SHTN1: variants seen among roughly 807,000 people sequenced by gnomAD.
SHTN1 encodes shootin 1.
Under a neutral mutation model 83.1 loss-of-function variants are expected in SHTN1, and 42 were observed. The ratio of observed to expected loss-of-function variants is 0.51; its 90% confidence interval spans 0.39 to 0.65. The LOEUF is 0.65. Ranked by LOEUF, SHTN1 falls within the 30% of genes least tolerant of loss-of-function variation. The probability of loss-of-function intolerance (pLI) is 0.00; values close to 1 mark genes in which losing one functional copy is unlikely to be tolerated. For missense variants in SHTN1, 622 were observed against 737.8 expected (o/e 0.84, Z 1.82); for synonymous variants, 224 against 247.7 (o/e 0.90, Z 0.90).
intron 1 of SHTN1, among the ~76,000 whole-genome samples, chr10:116,981,860 C>G (rs1214437119): frequency 1.3e-5 from 2 of 152,074 alleles, no homozygotes; most frequent in Non-Finnish European, 2.9e-5. Context: ...AGTTTGAGAC[C>G]AGCCTGACCA....
At chr10:116,936,743 T>G (rs1258801756) in intron 9 of SHTN1, among the ~76,000 whole-genome samples, 1 of 152,132 alleles carries the variant, frequency 6.6e-6, no homozygotes, top group Non-Finnish European at 1.5e-5. Context: ...GTCTCGTTGA[T>G]CTAATATTGA....
At chr10:116,900,981 G>C in intron 16 of SHTN1, 2 of 985,388 alleles carry the variant, frequency 2.0e-6, no homozygotes, top group South Asian at 4.7e-5. Context: ...AGCTAAGACA[G>C]CTAGAGTTAC....
intron 2 of SHTN1, among the ~76,000 whole-genome samples, chr10:117,019,742 G>A (rs1852232669): frequency 1.3e-5 from 2 of 151,332 alleles, no homozygotes; most frequent in East Asian, 2.0e-4. Flanking sequence ...TGAGGTGGGA[G>A]GACCACTTGA....
intron 2 of SHTN1, among the ~76,000 whole-genome samples, chr10:116,977,518 T>G (rs1054746637): frequency 1.3e-5 from 2 of 152,162 alleles, no homozygotes; most frequent in African/African-American, 4.8e-5. Context: ...TAGGTTTACT[T>G]TGGAATTTTG....
chr10:116,886,181 CTTATG>C lies in SHTN1; in HGVS notation c.*158_*162del, dbSNP rs1288912254. Reference sequence around the variant, plus strand: ...AATGTGTGTTTTGCTAAACAGCTTACTTATGTTTATAGTTGCTACTTACAAAAGTG... The same window carrying C: ...AATGTGTGTTTTGCTAAACAGCTTACTTTATAGTTGCTACTTACAAAAGTG... On this transcript the variant is annotated 3_prime_UTR_variant, in exon 17 of 17. Transcript: ENST00000355371. The C allele has an allele frequency of 3.0e-6, 3 of 997,558 alleles. No homozygotes were observed. The highest frequency in any genetic ancestry group is 4.3e-6 in the Non-Finnish European group (3 of 695,780). The allele number at this position is 997,558 out of a possible 1,614,324, so 61.8% of individuals were successfully genotyped here.
At chr10:116,961,536 A>G (rs992035627) in intron 3 of SHTN1, among the ~76,000 whole-genome samples, 1 of 152,068 alleles carries the variant, frequency 6.6e-6, no homozygotes, top group African/African-American at 2.4e-5. Context: ...TGACTTGATG[A>G]GCACGATACT....
At chr10:117,084,358 G>A (rs1413514614) in intron 1 of SHTN1, among the ~76,000 whole-genome samples, 2 of 152,178 alleles carry the variant, frequency 1.3e-5, no homozygotes, top group Admixed American at 1.3e-4. Flanking sequence ...AGGCTGCTCG[G>A]GGGTCAGGGA....
At chr10:117,054,653 C>T (rs146257742) in intron 1 of SHTN1, among the ~76,000 whole-genome samples, 2,171 of 152,016 alleles carry the variant, frequency 0.014, 26 homozygotes, top group Non-Finnish European at 0.023. Context: ...GTGATCCGCC[C>T]GTCTCGGCCT....
chr10:116,983,807 G>A lies in SHTN1; in HGVS notation c.59-4499C>T, dbSNP rs187482478. ...CAGGTAATTCCAATGTACAGCCAAA[G>A]TGGGCTGTAACATAACAATATAGAA... On this transcript the variant is annotated intron_variant, in intron 1 of 16. Coordinates refer to ENST00000355371, the MANE Select transcript of SHTN1 (RefSeq NM_001127211.3). 3.3e-3 allele frequency among the ~76,000 whole-genome samples: 495 copies of A among 152,252 alleles called. 2 individuals are homozygous for A. Among genetic ancestry groups the A allele is most frequent in the Non-Finnish European group, 5.4e-3 (365 of 68,018 alleles).
At chr10:116,946,195 A>AC (rs1849569839) in intron 7 of SHTN1, among the ~76,000 whole-genome samples, 4 of 148,222 alleles carry the variant, frequency 2.7e-5, no homozygotes, top group African/African-American at 1.0e-4. Context: ...TATATATATA[A>AC]ATATATATAT....
chr10:116,909,058 T>C (rs1331977031), intron 14 of SHTN1, among the ~76,000 whole-genome samples: 5 of 152,320 alleles, frequency 3.3e-5, no homozygotes, highest in Admixed American at 3.3e-4. Context: ...ATCATAAAAT[T>C]TGAGAATCAG....
At chr10:116,934,123 C>G (rs1000480845) in intron 9 of SHTN1, among the ~76,000 whole-genome samples, 2 of 152,176 alleles carry the variant, frequency 1.3e-5, no homozygotes, top group African/African-American at 2.4e-5. Context: ...TGCCTGTTCA[C>G]TCTGATGATA....
chr10:117,004,565 A>T (rs1398809463), intron 1 of SHTN1, among the ~76,000 whole-genome samples: 1 of 152,168 alleles, frequency 6.6e-6, no homozygotes, highest in Non-Finnish European at 1.5e-5. Flanking sequence ...CCGAATCCAA[A>T]CGAAAAGCTG....
chr10:116,942,199 C>T (rs1849398415), intron 8 of SHTN1, among the ~76,000 whole-genome samples: 1 of 147,392 alleles, frequency 6.8e-6, no homozygotes, highest in Non-Finnish European at 1.5e-5. Context: ...TTTGGGTGAC[C>T]ATTATGATTA....
chr10:116,960,164 C>A lies in SHTN1; in HGVS notation c.239G>T (p.Arg80Leu). 6.2e-7 allele frequency: 1 copy of A among 1,610,316 alleles called. No individual in the cohort carries two copies. Among genetic ancestry groups the A allele is most frequent in the Non-Finnish European group, 8.5e-7 (1 of 1,176,920 alleles). ...QNHLEIEKTCRESAEALATKL... is the reference protein window; with the variant it reads ...QNHLEIEKTCLESAEALATKL... The stretch of plus-strand genomic sequence containing the variant: ...TGTTGCCAAAGCTTCAGCACTTTCT[C>A]GACAAGTCTTCTCTATTTCAAGATG... Residue 80 changes from arginine (R) to leucine (L), a missense_variant, in exon 4 of 17, where the codon CGA becomes CTA. Transcript: ENST00000355371.
chr10:117,060,809 T>C (rs1262907202), intron 1 of SHTN1, among the ~76,000 whole-genome samples: 1 of 152,168 alleles, frequency 6.6e-6, no homozygotes, highest in African/African-American at 2.4e-5. Flanking sequence ...TACAGAAAAC[T>C]TGTGGTATTT....
At chr10:117,100,797 C>CA (rs1349603459) in intron 1 of SHTN1, among the ~76,000 whole-genome samples, 5 of 152,158 alleles carry the variant, frequency 3.3e-5, no homozygotes, top group South Asian at 2.1e-4. Flanking sequence ...GTTGGCTCGG[C>CA]AAAAAATTGA....
chr10:116,907,723 G>A (rs1848028343), intron 14 of SHTN1, among the ~76,000 whole-genome samples: 2 of 152,134 alleles, frequency 1.3e-5, no homozygotes, highest in East Asian at 1.9e-4. Flanking sequence ...GCGGAGGGAG[G>A]GGAAGGCAGG....
At chr10:117,037,915 A>G (rs1272627441) in intron 2 of SHTN1, among the ~76,000 whole-genome samples, 8 of 8,852 alleles carry the variant, frequency 9.0e-4, no homozygotes, top group Non-Finnish European at 2.0e-3. Flanking sequence ...GTGAGGCAGG[A>G]TAATTGTTTG....
Sources: gnomAD v4.1 joint callset for allele counts (sites outside exome capture counted in the v4.1 genomes callset) on GRCh38, gnomAD v4.1.1 for gene constraint, MANE v1.5 for transcripts, NCBI Gene and HGNC (gene_info 2026-07-23, HGNC 2026-07-21) for gene names.